The following AKT2 variants were observed in gnomAD, a reference collection of about 807,000 sequenced individuals.
The protein encoded by AKT2 is AKT serine/threonine kinase 2.
Under a neutral mutation model 58.6 loss-of-function variants are expected in AKT2, and 16 were observed. The ratio of observed to expected loss-of-function variants is 0.27; its 90% CI spans 0.18 to 0.41. AKT2 has a LOEUF of 0.41. Ranked by LOEUF, AKT2 falls within the 10% of genes least tolerant of loss-of-function variation. The pLI is 1.00. For missense variants in AKT2, 438 were observed against 661.0 expected, an observed-to-expected ratio of 0.66 and a Z score of 3.70; for synonymous variants, 253 against 254.0, an observed-to-expected ratio of 1.00 and a Z score of 0.04.
chr19:40,275,378 C>A (rs758736511), intron 1 of AKT2: 11 of 452,078 alleles, frequency 2.4e-5, no homozygotes, highest in South Asian at 1.6e-4. Context: ...GGCCCAGTGG[C>A]AAAAGGAGAA....
intron 2 of AKT2, among the ~76,000 whole-genome samples, chr19:40,259,927 C>T (rs1192365996): frequency 2.6e-5 from 4 of 152,066 alleles, no homozygotes; most frequent in African/African-American, 7.2e-5. Flanking sequence ...TCGAGGCAGG[C>T]GGATCACTTG....
Position 40,285,143 on chromosome 19 carries a change from T to TG in AKT2, c.-85+37dup, listed in dbSNP as rs371604268. 3,256 of 390,262 alleles carry TG rather than the reference T, an allele frequency of 8.3e-3. 116 individuals are homozygous for TG. The East Asian group carries it at 0.095, about 11-fold the overall frequency. 24.2% of individuals were successfully genotyped at this position (390,262 alleles called of 1,614,324 possible). A position where few individuals can be genotyped will look rare whatever the true frequency, so the allele number is the denominator to read the frequency against. ...GCGGGGGGCCCGGACGCGACCATCG[T>TG]GGGGGGGGCGTTCGGGGACACGCGC... is the stretch of plus-strand genomic sequence containing the variant. On this transcript the variant is annotated intron_variant, in intron 1 of 13. Transcript: ENST00000392038.
At chr19:40,258,714 G>C (rs958175498) in intron 2 of AKT2, among the ~76,000 whole-genome samples, 2 of 151,106 alleles carry the variant, frequency 1.3e-5, no homozygotes, top group Non-Finnish European at 2.9e-5. Flanking sequence ...AACCAAGGGG[G>C]TGAAGGGCTT....
In AKT2 at chr19:40,234,091, A is replaced by G; in HGVS notation, c.1367-140T>C. 1 of 854,324 alleles carries G rather than the reference A, an allele frequency of 1.2e-6. No individual in the cohort carries two copies. The highest frequency in any genetic ancestry group is 2.8e-5 in the Admixed American group (1 of 35,876). 52.9% of individuals were successfully genotyped at this position (854,324 alleles called of 1,614,324 possible). On this transcript the variant is annotated intron_variant, in intron 13 of 13. Transcript: ENST00000392038. The surrounding 1 kb of genome is among the most constrained non-coding windows in gnomAD (Gnocchi z 4.7). The stretch of plus-strand genomic sequence containing the variant: ...GGAAAGGCCCATCCCTCCGCAATGG[A>G]GGCCCTCAGCCACGGACCCACTCCC...
intron 4 of AKT2, among the ~76,000 whole-genome samples, chr19:40,246,506 G>A (rs945638153): frequency 7.3e-5 from 11 of 151,538 alleles, no homozygotes; most frequent in Non-Finnish European, 1.5e-5. Flanking sequence ...AAATGATGGC[G>A]GATTGGGAAA....
intron 1 of AKT2, among the ~76,000 whole-genome samples, chr19:40,284,341 T>G (rs1230183764): frequency 6.6e-6 from 1 of 152,134 alleles, no homozygotes; most frequent in Admixed American, 6.5e-5. Context: ...CTTCAGTGAC[T>G]TCTAACACAG....
intron 6 of AKT2, among the ~76,000 whole-genome samples, chr19:40,240,483 C>A (rs1393200174): frequency 6.6e-6 from 1 of 152,236 alleles, no homozygotes; most frequent in Non-Finnish European, 1.5e-5. Flanking sequence ...GAAGGAAAAA[C>A]AGTGCTTCTT....
chr19:40,230,963 C>G lies in AKT2; in HGVS notation c.*2909G>C, dbSNP rs1381288200. On this transcript the variant is annotated 3_prime_UTR_variant, in exon 14 of 14. Transcript: ENST00000392038. ...GTCTCGAACCCCTGGCCTCAAGAGA[C>G]CCGCCCGCCTCGGCCTCCCAAATTG... is the stretch of plus-strand genomic sequence containing the variant. 5.2e-6 allele frequency: 1 copy of G among 192,868 alleles called. No individual in the cohort carries two copies. The highest frequency in any genetic ancestry group is 6.1e-5 in the Admixed American group (1 of 16,332). The allele number at this position is 192,868 out of a possible 1,614,324, so 11.9% of individuals were successfully genotyped here.
At chr19:40,271,270 T>C (rs1440067998) in intron 1 of AKT2, among the ~76,000 whole-genome samples, 1 of 145,666 alleles carries the variant, frequency 6.9e-6, no homozygotes, top group Non-Finnish European at 1.5e-5. Flanking sequence ...TACATATATA[T>C]ATATATAGTA....
chr19:40,275,030 C>T (rs1236048593), intron 1 of AKT2: 1 of 455,960 alleles, frequency 2.2e-6, no homozygotes, highest in Non-Finnish European at 4.4e-6. Context: ...CACCACCTGC[C>T]TCACTTGAGA....
intron 1 of AKT2, chr19:40,279,758 T>G (rs1260988942): frequency 6.6e-6 from 1 of 151,774 alleles, no homozygotes; most frequent in Non-Finnish European, 1.5e-5. Flanking sequence ...TGAGCTGTGG[T>G]GGGGGAATCT....
Position 40,230,597 on chromosome 19 carries a change from C to T in AKT2, c.*3275G>A. The T allele has an allele frequency of 4.4e-6, 1 of 228,446 alleles. No individual in the cohort carries two copies. Among genetic ancestry groups the T allele is most frequent in the Non-Finnish European group, 8.7e-6 (1 of 115,048 alleles). 14.2% of individuals were successfully genotyped at this position (228,446 alleles called of 1,614,324 possible). A position where few individuals can be genotyped will look rare whatever the true frequency, so the allele number is the denominator to read the frequency against. Reference sequence around the variant, plus strand: ...AGCAGGAAACTACCAATTTATGATGCCGTGTCCATTTGCAGAGAGGTAATC... The same window carrying T: ...AGCAGGAAACTACCAATTTATGATGTCGTGTCCATTTGCAGAGAGGTAATC... On this transcript the variant is annotated 3_prime_UTR_variant, in exon 14 of 14. Coordinates refer to ENST00000392038, the MANE Select transcript of AKT2 (RefSeq NM_001626.6).
chr19:40,257,834 G>A (rs1170634037), intron 2 of AKT2, among the ~76,000 whole-genome samples: 1 of 152,198 alleles, frequency 6.6e-6, no homozygotes, highest in African/African-American at 2.4e-5. Flanking sequence ...GAAGTACTGA[G>A]ACATGCTGCC....
In AKT2 at chr19:40,235,232, G is replaced by A. The variant is rs753475800; in HGVS notation, c.1263+31C>T. 8 of 1,613,844 alleles carry A rather than the reference G, an allele frequency of 5.0e-6. No homozygotes were observed. The highest frequency in any genetic ancestry group is 1.7e-5 in the Admixed American group (1 of 60,010). ...CACCACGAGTGGGCCAGGTCCCTGA[G>A]GGTCCTGCTGGGGCAAGCAGTGGGG... On this transcript the variant is annotated intron_variant, in intron 12 of 13. Coordinates refer to ENST00000392038, the MANE Select transcript of AKT2 (RefSeq NM_001626.6). This position sits in a 1 kb window ranked among gnomAD's most constrained non-coding sequence, Gnocchi z 6.3.
In AKT2 at chr19:40,237,528, C is replaced by A; in HGVS notation, c.831+441G>T. 5.7e-6 allele frequency: 1 copy of A among 176,580 alleles called. No individual in the cohort carries two copies. The highest frequency in any genetic ancestry group is 1.2e-5 in the Non-Finnish European group (1 of 81,662). 10.9% of individuals were successfully genotyped at this position (176,580 alleles called of 1,614,324 possible). On this transcript the variant is annotated intron_variant, in intron 9 of 13. Transcript: ENST00000392038. This position sits in a 1 kb window ranked among gnomAD's most constrained non-coding sequence, Gnocchi z 4.5. ...GGCATGGTGGCGGGCACCTGTAATC[C>A]CACCTATTCGGGAGGCTGAGGCAGG...
intron 2 of AKT2, among the ~76,000 whole-genome samples, chr19:40,261,666 T>TA (rs969809989): frequency 3.3e-5 from 5 of 151,930 alleles, no homozygotes; most frequent in African/African-American, 1.2e-4. Flanking sequence ...CGGTAAGAAA[T>TA]AAGTTTCTGT....
chr19:40,243,721 C>G (rs1974558427), intron 4 of AKT2: 1 of 152,106 alleles, frequency 6.6e-6, no homozygotes, highest in South Asian at 2.1e-4. Flanking sequence ...AGACCCATCT[C>G]TTAAAAAGTT....
In AKT2 at chr19:40,235,254, G is replaced by A. The variant is rs1973945315; in HGVS notation, c.1263+9C>T. On this transcript the variant is annotated intron_variant, in intron 12 of 13. Coordinates refer to ENST00000392038, the MANE Select transcript of AKT2 (RefSeq NM_001626.6). The surrounding 1 kb of genome is among the most constrained non-coding windows in gnomAD (Gnocchi z 6.3). ...TGAGGGTCCTGCTGGGGCAAGCAGT[G>A]GGGCTCACCTTCTTCTGGACCACGT... 6.2e-7 allele frequency: 1 copy of A among 1,613,946 alleles called. No homozygotes were observed.
intron 4 of AKT2, among the ~76,000 whole-genome samples, chr19:40,254,833 T>C (rs1975420810): frequency 1.3e-5 from 2 of 150,836 alleles, no homozygotes; most frequent in African/African-American, 2.5e-5. Context: ...CGAAACTCCA[T>C]TTCAGAAAAA....
Sources: gnomAD v4.1 joint callset for allele counts (sites outside exome capture counted in the v4.1 genomes callset) on GRCh38, gnomAD v4.1.1 for gene constraint, Gnocchi (gnomAD v3.1) non-coding constraint, MANE v1.5 for transcripts, NCBI Gene and HGNC (gene_info 2026-07-23, HGNC 2026-07-21) for gene names.